CNTN5: variants seen among roughly 807,000 people sequenced by gnomAD.
CNTN5 encodes contactin 5, also known as contactin-5.
In CNTN5, 77 loss-of-function variants were observed where a neutral mutation model predicts 129.1. That is an observed-to-expected ratio of 0.60 (90% CI 0.50 to 0.72). CNTN5 has a LOEUF of 0.72. Ranked by LOEUF, CNTN5 falls within the 30% of genes least tolerant of loss-of-function variation. The pLI is 0.00. For missense variants in CNTN5, 1,478 were observed against 1,328.8 expected, an observed-to-expected ratio of 1.11 and a Z score of -1.75; for synonymous variants, 509 against 465.6, an observed-to-expected ratio of 1.09 and a Z score of -1.20.
chr11:99,379,180 CT>C (rs11423891), intron 2 of CNTN5, among the ~76,000 whole-genome samples: 12 of 144,138 alleles, frequency 8.3e-5, no homozygotes, highest in Non-Finnish European at 9.1e-5. Context: ...AATTTTGTTT[CT>C]TTTTTTTTTT....
chr11:99,900,792 C>T lies in CNTN5; in HGVS notation c.578-15262C>T, dbSNP rs142422481. ...TGATATTGATACATGATGTTTTGTT[C>T]CTGACATAGTGTTGTTAGCTAGTTG... On this transcript the variant is annotated intron_variant, in intron 6 of 24. Transcript: ENST00000524871. Among the ~76,000 whole-genome samples, 187 of 152,138 alleles carry T rather than the reference C, an allele frequency of 1.2e-3. 1 individual carries two copies. The highest frequency in any genetic ancestry group is 2.7e-3 in the South Asian group (13 of 4,818).
At chr11:99,799,737 A>T (rs1166824910) in intron 3 of CNTN5, among the ~76,000 whole-genome samples, 1 of 152,010 alleles carries the variant, frequency 6.6e-6, no homozygotes, top group East Asian at 1.9e-4. Context: ...AGGCTTTGGT[A>T]ACTTGGGTTG....
At chr11:99,862,337 G>A (rs979556962) in intron 6 of CNTN5, among the ~76,000 whole-genome samples, 1 of 138,388 alleles carries the variant, frequency 7.2e-6, no homozygotes, top group African/African-American at 2.7e-5. Context: ...GCCACAAAGC[G>A]ATATCCTTCA....
chr11:100,237,546 C>T (rs1014620413), intron 16 of CNTN5, among the ~76,000 whole-genome samples: 4 of 152,094 alleles, frequency 2.6e-5, no homozygotes, highest in Non-Finnish European at 4.4e-5. Flanking sequence ...TCCCAAACAC[C>T]TGGCAAAGGT....
intron 1 of CNTN5, among the ~76,000 whole-genome samples, chr11:99,152,626 C>T (rs377552937): frequency 1.2e-4 from 19 of 152,268 alleles, no homozygotes; most frequent in South Asian, 4.1e-4. Flanking sequence ...TTAATTGAAG[C>T]GCTTAGCCCG....
chr11:99,778,587 A>G (rs1945205623), intron 3 of CNTN5, among the ~76,000 whole-genome samples: 1 of 151,774 alleles, frequency 6.6e-6, no homozygotes, highest in African/African-American at 2.4e-5. Flanking sequence ...TTAATCTCAT[A>G]GTCATTGTGA....
intron 2 of CNTN5, among the ~76,000 whole-genome samples, chr11:99,456,933 C>T (rs946889420): frequency 2.3e-4 from 35 of 151,758 alleles, no homozygotes; most frequent in Admixed American, 1.3e-4. Context: ...GTGTATTGAA[C>T]AAATGTTTGA....
intron 8 of CNTN5, among the ~76,000 whole-genome samples, chr11:99,987,199 G>T (rs975854273): frequency 1.1e-4 from 17 of 152,030 alleles, no homozygotes; most frequent in African/African-American, 4.1e-4. Context: ...AAATATTCTT[G>T]ACCATTAACT....
At chr11:99,101,898 C>CA (rs1385868853) in intron 1 of CNTN5, among the ~76,000 whole-genome samples, 3 of 152,218 alleles carry the variant, frequency 2.0e-5, no homozygotes, top group Admixed American at 2.0e-4. Context: ...TGTGTGGGGG[C>CA]ATCAATCCCA....
At chr11:99,753,486 A>G (rs913040996) in intron 3 of CNTN5, among the ~76,000 whole-genome samples, 1 of 151,460 alleles carries the variant, frequency 6.6e-6, no homozygotes, top group Non-Finnish European at 1.5e-5. Flanking sequence ...TATCCTGCAT[A>G]TGGGCATAAA....
At chr11:99,668,225 A>G (rs989205590) in intron 3 of CNTN5, among the ~76,000 whole-genome samples, 1 of 152,164 alleles carries the variant, frequency 6.6e-6, no homozygotes, top group African/African-American at 2.4e-5. Flanking sequence ...ACAACTAGGC[A>G]GTGTCCACAC....
chr11:99,959,426 C>CAAA (rs1950884962), intron 8 of CNTN5, among the ~76,000 whole-genome samples: 2 of 152,206 alleles, frequency 1.3e-5, no homozygotes, highest in Non-Finnish European at 2.9e-5. Flanking sequence ...TCTCCATCTG[C>CAAA]ATTGTTATCT....
chr11:99,184,091 G>A (rs546406271), intron 1 of CNTN5, among the ~76,000 whole-genome samples: 40 of 152,114 alleles, frequency 2.6e-4, no homozygotes, highest in Admixed American at 1.4e-3. Context: ...AATATACACT[G>A]TTTTCCTAAT....
intron 3 of CNTN5, among the ~76,000 whole-genome samples, chr11:99,608,957 T>G (rs926435604): frequency 6.6e-6 from 1 of 152,186 alleles, no homozygotes; most frequent in African/African-American, 2.4e-5. Context: ...AAAATTAATT[T>G]CAACACTTAT....
chr11:100,224,548 G>A (rs934745943), intron 15 of CNTN5, 144 bp from the exon 16 acceptor site: 21 of 628,602 alleles, frequency 3.3e-5, no homozygotes, highest in Non-Finnish European at 5.3e-5. Context: ...TTAAAAAAGG[G>A]CATGTTTGAT....
At chr11:99,788,086 C>T (rs1156257509) in intron 3 of CNTN5, among the ~76,000 whole-genome samples, 3 of 151,936 alleles carry the variant, frequency 2.0e-5, no homozygotes, top group African/African-American at 4.8e-5. Context: ...CAAAATCTCC[C>T]ATGGCTTTGC....
At chr11:99,469,404 C>A (rs1301946071) in intron 2 of CNTN5, among the ~76,000 whole-genome samples, 1 of 152,084 alleles carries the variant, frequency 6.6e-6, no homozygotes, top group Admixed American at 6.6e-5. Context: ...TATAAAACTA[C>A]TACAAATATA....
intron 3 of CNTN5, among the ~76,000 whole-genome samples, chr11:99,680,758 C>T (rs572944319): frequency 3.9e-4 from 60 of 152,066 alleles, no homozygotes; most frequent in African/African-American, 1.4e-3. Flanking sequence ...GAATCACCGG[C>T]TGTAGCTGTA....
rs1269843359 is a variant in CNTN5 at position 99,579,384 on chromosome 11, G to C, written c.55+23115G>C. On this transcript the variant is annotated intron_variant, in intron 3 of 24. Transcript: ENST00000524871. ...CTGTGAAGAAAGTCATTGGTAGCTT[G>C]ATGGGGATGGCATTGAATGTATAAA... Among the ~76,000 whole-genome samples the C allele has an allele frequency of 8.6e-5, 13 of 152,042 alleles. No homozygotes were observed. In the East Asian group the frequency reaches 2.3e-3, roughly 27 times the overall value.
Sources: allele counts gnomAD v4.1 joint callset (sites outside exome capture counted in the v4.1 genomes callset), GRCh38; gene constraint gnomAD v4.1.1; transcripts MANE v1.5; gene names NCBI Gene and HGNC (gene_info 2026-07-23, HGNC 2026-07-21).